Variants in ARHGAP24 observed in about 807,000 individuals in gnomAD.
ARHGAP24 encodes the protein Rho GTPase activating protein 24.
In ARHGAP24, 50 loss-of-function variants were observed where a neutral mutation model predicts 76.4. The ratio of observed to expected loss-of-function variants is 0.65; its 90% confidence interval spans 0.52 to 0.83. The LOEUF (loss-of-function observed/expected upper bound fraction) is 0.83. Ranked by LOEUF, ARHGAP24 falls within the 40% of genes least tolerant of loss-of-function variation. The pLI is 0.00. For missense variants in ARHGAP24, 930 were observed against 914.2 expected (o/e 1.02, Z -0.22); for synonymous variants, 345 against 323.3 (o/e 1.07, Z -0.72).
At position 86,001,569 on chromosome 4, in the gene ARHGAP24, A is replaced by G. The variant is rs1741020794; in HGVS notation, c.*847A>G. On this transcript the variant is annotated 3_prime_UTR_variant, in exon 10 of 10. Coordinates refer to ENST00000395184, the MANE Select transcript of ARHGAP24 (RefSeq NM_001025616.3). ...TGGACCGAATCTCTTTAACTGCTGG[A>G]TAGTTTTAGAGGAATTCTCCTGCTA... is the stretch of plus-strand genomic sequence containing the variant. 5.0e-6 allele frequency: 2 copies of G among 396,880 alleles called. No homozygotes were observed. The highest frequency in any genetic ancestry group is 7.1e-5 in the East Asian group (2 of 28,034). The allele number at this position is 396,880 out of a possible 1,614,324, so 24.6% of individuals were successfully genotyped here.
At chr4:85,808,360 A>C (rs1226312355) in intron 3 of ARHGAP24, among the ~76,000 whole-genome samples, 2 of 152,154 alleles carry the variant, frequency 1.3e-5, no homozygotes, top group Non-Finnish European at 2.9e-5. Context: ...TGCTCTAAAC[A>C]CTTTGCCACT....
At chr4:85,718,388 C>T (rs1031987) in intron 2 of ARHGAP24, among the ~76,000 whole-genome samples, 20,769 of 151,944 alleles carry the variant, frequency 0.14, 1,883 homozygotes, top group East Asian at 0.36. Context: ...TGTTTATACA[C>T]ACATGTATAA....
At chr4:85,901,807 A>AT (rs150837257) in intron 3 of ARHGAP24, among the ~76,000 whole-genome samples, 17,471 of 150,704 alleles carry the variant, frequency 0.12, 1,043 homozygotes, top group African/African-American at 0.13. Flanking sequence ...TATCTGCCAC[A>AT]TTTTTTTTTG....
intron 3 of ARHGAP24, among the ~76,000 whole-genome samples, chr4:85,839,538 C>A (rs1291949181): frequency 6.6e-6 from 1 of 152,078 alleles, no homozygotes; most frequent in African/African-American, 2.4e-5. Context: ...GCAACCTCTG[C>A]CTCCTGGGTT....
intron 2 of ARHGAP24, among the ~76,000 whole-genome samples, chr4:85,655,898 C>T (rs1002125582): frequency 4.7e-5 from 7 of 149,428 alleles, no homozygotes; most frequent in African/African-American, 1.7e-4. Flanking sequence ...ATACTGTACA[C>T]GTGAATAAAA....
intron 3 of ARHGAP24, among the ~76,000 whole-genome samples, chr4:85,882,519 A>G (rs1382402060): frequency 6.6e-6 from 1 of 152,164 alleles, no homozygotes; most frequent in African/African-American, 2.4e-5. Context: ...TGGCCAGTTC[A>G]TTAAACCCTT....
intron 3 of ARHGAP24, among the ~76,000 whole-genome samples, chr4:85,743,992 A>G (rs1255771899): frequency 1.3e-5 from 2 of 152,168 alleles, no homozygotes; most frequent in Non-Finnish European, 2.9e-5. Flanking sequence ...GGTTGCCACC[A>G]AGAGCTATGG....
In ARHGAP24 at chr4:85,755,626, G is replaced by GTTTTTTTTTTTT. The variant is rs111410344; in HGVS notation, c.268+33658_268+33659insTTTTTTTTTTTT. Among the ~76,000 whole-genome samples, 172 of 117,366 alleles carry GTTTTTTTTTTTT rather than the reference G, an allele frequency of 1.5e-3. 48 individuals carry two copies. The highest frequency in any genetic ancestry group is 5.3e-3 in the Middle Eastern group (1 of 190). 77.0% of individuals were successfully genotyped at this position (117,366 alleles called of 152,430 possible). Reference sequence around the variant, plus strand: ...TTCTATGGGAAGCTTCTATTCTTTTGTTTTGTTTTGTTTTGTTTTGTTTTG... The same window carrying GTTTTTTTTTTTT: ...TTCTATGGGAAGCTTCTATTCTTTTGTTTTTTTTTTTTTTTTGTTTTGTTTTGTTTTGTTTTG... On this transcript the variant is annotated intron_variant, in intron 3 of 9. Transcript: ENST00000395184.
At chr4:85,864,625 T>A (rs1368477201) in intron 3 of ARHGAP24, among the ~76,000 whole-genome samples, 2 of 124,814 alleles carry the variant, frequency 1.6e-5, no homozygotes, top group Non-Finnish European at 3.5e-5. Flanking sequence ...TTTTTTTTTT[T>A]AAATGAATAG....
At chr4:85,915,943 G>GTTTTTT (rs1267441005) in intron 3 of ARHGAP24, among the ~76,000 whole-genome samples, 2 of 152,094 alleles carry the variant, frequency 1.3e-5, no homozygotes, top group African/African-American at 4.8e-5. Flanking sequence ...CCCAGTAATG[G>GTTTTTT]GGTTGCTGGG....
intron 1 of ARHGAP24, among the ~76,000 whole-genome samples, chr4:85,526,658 T>G (rs1725012735): frequency 6.6e-6 from 1 of 152,104 alleles, no homozygotes; most frequent in Admixed American, 6.6e-5. Context: ...AACTAACTTT[T>G]ATCCCATCTC....
chr4:85,897,260 T>C (rs1734229511), intron 3 of ARHGAP24, among the ~76,000 whole-genome samples: 1 of 152,092 alleles, frequency 6.6e-6, no homozygotes, highest in African/African-American at 2.4e-5. Context: ...ACCAACCACC[T>C]CAAGGAAATA....
Position 85,995,211 on chromosome 4 carries a change from A to G in ARHGAP24, c.1557A>G (p.Gln519=). The change falls in exon 9 of 10, where the codon CAA becomes CAG. Residue 519 remains glutamine, a synonymous_variant. Transcript: ENST00000395184. Reference sequence around the variant, plus strand: ...TGAGGGATAACAAGCAGAAAGAACAAGCTGGAGAGTTAGGCCAGCACAACA... The same window carrying G: ...TGAGGGATAACAAGCAGAAAGAACAGGCTGGAGAGTTAGGCCAGCACAACA... ...VTLRDNKQKE[Q]AGELGQHNRL... is the part of the protein sequence containing the mutation. 6.2e-7 allele frequency: 1 copy of G among 1,614,038 alleles called. No homozygotes were observed. The highest frequency in any genetic ancestry group is 8.5e-7 in the Non-Finnish European group (1 of 1,180,034).
At chr4:85,626,967 A>G (rs1337642095) in intron 2 of ARHGAP24, among the ~76,000 whole-genome samples, 3 of 151,952 alleles carry the variant, frequency 2.0e-5, no homozygotes, top group Non-Finnish European at 4.4e-5. Flanking sequence ...TATTCTAGTT[A>G]TCCATTCGTC....
intron 3 of ARHGAP24, among the ~76,000 whole-genome samples, chr4:85,794,195 A>G (rs1728247824): frequency 6.6e-6 from 1 of 152,228 alleles, no homozygotes; most frequent in Non-Finnish European, 1.5e-5. Context: ...TATTTGTAAG[A>G]GTAGTTTCCA....
chr4:85,928,372 T>C (rs1736133699), intron 4 of ARHGAP24, among the ~76,000 whole-genome samples: 1 of 152,098 alleles, frequency 6.6e-6, no homozygotes, highest in Non-Finnish European at 1.5e-5. Context: ...TTCTGTTCAA[T>C]TGTTTTTGAG....
At chr4:85,505,165 A>G (rs1560512043) in intron 1 of ARHGAP24, among the ~76,000 whole-genome samples, 1 of 151,932 alleles carries the variant, frequency 6.6e-6, no homozygotes, top group Non-Finnish European at 1.5e-5. Context: ...TTTTTCCTTC[A>G]TTTCAACCTT....
At chr4:85,534,314 G>C (rs1185558553) in intron 1 of ARHGAP24, among the ~76,000 whole-genome samples, 1 of 152,150 alleles carries the variant, frequency 6.6e-6, no homozygotes, top group Admixed American at 6.5e-5. Flanking sequence ...CCCGTTTCCT[G>C]CAAGTCACAT....
chr4:85,508,568 A>G (rs1724151914), intron 1 of ARHGAP24, among the ~76,000 whole-genome samples: 1 of 152,200 alleles, frequency 6.6e-6, no homozygotes, highest in African/African-American at 2.4e-5. Flanking sequence ...ATGGAACTCC[A>G]GCACCCTGTC....
Sources: allele counts gnomAD v4.1 joint callset (sites outside exome capture counted in the v4.1 genomes callset), GRCh38; gene constraint gnomAD v4.1.1; transcripts MANE v1.5; gene names NCBI Gene and HGNC (gene_info 2026-07-23, HGNC 2026-07-21).